DTNB: variants seen among roughly 807,000 people sequenced by gnomAD.
DTNB encodes the protein dystrobrevin beta.
A neutral mutation model predicts 90.7 loss-of-function variants in DTNB; 63 were observed. The ratio of observed to expected loss-of-function variants is 0.69; its 90% CI spans 0.57 to 0.86. The LOEUF is 0.86. Among genes scored for constraint, DTNB ranks in the 40% least tolerant of loss-of-function variants. The probability of loss-of-function intolerance (pLI) is 0.00; values close to 1 mark genes in which losing one functional copy is unlikely to be tolerated. For missense variants in DTNB, 744 were observed against 807.1 expected, an observed-to-expected ratio of 0.92 and a Z score of 0.95; for synonymous variants, 277 against 286.7, an observed-to-expected ratio of 0.97 and a Z score of 0.34.
intron 8 of DTNB, among the ~76,000 whole-genome samples, chr2:25,562,355 CT>C (rs1400286438): frequency 6.6e-6 from 1 of 152,174 alleles, no homozygotes; most frequent in Non-Finnish European, 1.5e-5. Flanking sequence ...GTTATTTCCA[CT>C]TTTTAGCTCT....
intron 9 of DTNB, among the ~76,000 whole-genome samples, chr2:25,484,196 T>C (rs528801094): frequency 7.9e-5 from 12 of 152,350 alleles, no homozygotes; most frequent in African/African-American, 2.9e-4. Flanking sequence ...CAAAATTGTC[T>C]AACAAAGCAT....
intron 18 of DTNB, 114 bp from the exon 19 acceptor site, chr2:25,384,003 G>A: frequency 6.3e-7 from 1 of 1,580,074 alleles, no homozygotes; most frequent in South Asian, 1.2e-5. Context: ...AACAGCTCCT[G>A]GCTGCAGGCC....
intron 1 of DTNB, among the ~76,000 whole-genome samples, chr2:25,670,715 A>G (rs1300449065): frequency 6.6e-6 from 1 of 152,216 alleles, no homozygotes; most frequent in Non-Finnish European, 1.5e-5. Flanking sequence ...AATAAAAGGG[A>G]GTAGGGAAGA....
chr2:25,672,222 A>AAAAAAAAAGAGGC (rs1559465756), intron 1 of DTNB, among the ~76,000 whole-genome samples: 1 of 149,490 alleles, frequency 6.7e-6, no homozygotes, highest in East Asian at 1.9e-4. Context: ...AAAAAAAAAA[A>AAAAAAAAAGAGGC]AAAAAAAAAA....
chr2:25,394,799 C>T lies in DTNB; in HGVS notation c.1576-6438G>A, dbSNP rs535958429. Among the ~76,000 whole-genome samples, 23 of 152,170 alleles carry T rather than the reference C, an allele frequency of 1.5e-4. No homozygotes were observed. The South Asian group carries it at 4.8e-3, about 32-fold the overall frequency. On this transcript the variant is annotated intron_variant, in intron 16 of 20. Coordinates refer to ENST00000406818, the MANE Select transcript of DTNB (RefSeq NM_021907.5). ...CTGTTGGTGGGAATGTAAACTAGTA[C>T]AACTACTATGAAAAACAGTGTGGTG...
intron 8 of DTNB, among the ~76,000 whole-genome samples, chr2:25,544,555 G>A (rs1331056754): frequency 2.0e-5 from 3 of 152,108 alleles, no homozygotes; most frequent in Non-Finnish European, 4.4e-5. Context: ...ACCATCTGAG[G>A]GGATCTAAGC....
intron 4 of DTNB, among the ~76,000 whole-genome samples, chr2:25,615,758 C>T (rs1400435495): frequency 6.6e-6 from 1 of 152,152 alleles, no homozygotes; most frequent in African/African-American, 2.4e-5. Flanking sequence ...TATTATTTCG[C>T]AAATCCCAAT....
chr2:25,417,545 T>C (rs2048279658), intron 16 of DTNB, among the ~76,000 whole-genome samples: 1 of 152,182 alleles, frequency 6.6e-6, no homozygotes. Flanking sequence ...AGTTTTCAGG[T>C]GAGGTGTCGG....
intron 5 of DTNB, among the ~76,000 whole-genome samples, chr2:25,604,897 T>C (rs554770042): frequency 1.3e-5 from 2 of 150,888 alleles, no homozygotes; most frequent in South Asian, 4.2e-4. Context: ...TAAAATTGCT[T>C]TTATAGATAC....
rs568479744 is a variant in DTNB at position 25,448,403 on chromosome 2, A to G, written c.1257+3145T>C. Among the ~76,000 whole-genome samples, 67 of 152,350 alleles carry G rather than the reference A, an allele frequency of 4.4e-4. No homozygotes were observed. The South Asian group carries it at 0.012, about 27-fold the overall frequency. On this transcript the variant is annotated intron_variant, in intron 12 of 20. Transcript: ENST00000406818. ...CTCCTCAAAGAAAGTAAAGAATTGA[A>G]AAAGGAGAAGGAAAAGAGAAAACAT... is the stretch of plus-strand genomic sequence containing the variant.
At chr2:25,574,105 A>AT (rs997985670) in intron 8 of DTNB, among the ~76,000 whole-genome samples, 10 of 152,210 alleles carry the variant, frequency 6.6e-5, no homozygotes, top group African/African-American at 2.4e-4. Flanking sequence ...ACATGGTTCC[A>AT]TTTAGCTACA....
intron 9 of DTNB, among the ~76,000 whole-genome samples, chr2:25,487,826 T>C (rs1466195951): frequency 1.3e-5 from 2 of 152,204 alleles, no homozygotes; most frequent in Non-Finnish European, 2.9e-5. Context: ...GAAACGCATG[T>C]GGAAAGGTAG....
intron 2 of DTNB, among the ~76,000 whole-genome samples, chr2:25,648,667 A>G (rs181175042): frequency 1.3e-5 from 2 of 152,292 alleles, no homozygotes; most frequent in East Asian, 3.9e-4. Context: ...AGACCTCATC[A>G]TACAGCCTGC....
At chr2:25,433,045 C>T in intron 13 of DTNB, 46 bp from the exon 14 acceptor site, 5 of 1,507,700 alleles carry the variant, frequency 3.3e-6, no homozygotes, top group Non-Finnish European at 4.4e-6. Context: ...GTGCTTCTCA[C>T]TCACGCTCCC....
intron 9 of DTNB, among the ~76,000 whole-genome samples, chr2:25,502,274 G>A (rs1428845665): frequency 6.6e-6 from 1 of 152,132 alleles, no homozygotes; most frequent in Non-Finnish European, 1.5e-5. Context: ...CGACAAAAAG[G>A]AAGGAGAATC....
At chr2:25,519,091 C>T (rs546231788) in intron 9 of DTNB, among the ~76,000 whole-genome samples, 1 of 152,272 alleles carries the variant, frequency 6.6e-6, no homozygotes, top group East Asian at 1.9e-4. Flanking sequence ...AGGCCAGGCA[C>T]AGTGGCTCAT....
chr2:25,517,105 A>G lies in DTNB; in HGVS notation c.1001+14368T>C, dbSNP rs148894978. ...AAAATGTGATCTATTCATGCAAAGG[A>G]TATTTTCAACATTAAAAAGAATGAC... On this transcript the variant is annotated intron_variant, in intron 9 of 20. Coordinates refer to ENST00000406818, the MANE Select transcript of DTNB (RefSeq NM_021907.5). Among the ~76,000 whole-genome samples, 101 of 152,372 alleles carry G rather than the reference A, an allele frequency of 6.6e-4. 1 individual carries two copies. The highest frequency in any genetic ancestry group is 2.4e-3 in the African/African-American group (98 of 41,586).
Position 25,392,460 on chromosome 2 carries a change from T to C in DTNB, c.1576-4099A>G, listed in dbSNP as rs143377516. On this transcript the variant is annotated intron_variant, in intron 16 of 20. Coordinates refer to ENST00000406818, the MANE Select transcript of DTNB (RefSeq NM_021907.5). The stretch of plus-strand genomic sequence containing the variant: ...TGAGTGAGTGAATGAAACCAAAAGC[T>C]GGTTCTTTCAAAAGATAAATAAAAT... 8.6e-3 allele frequency among the ~76,000 whole-genome samples: 1,314 copies of C among 152,248 alleles called. 10 individuals are homozygous for C. Among genetic ancestry groups the C allele is most frequent in the Non-Finnish European group, 0.014 (920 of 68,006 alleles).
chr2:25,610,049 A>G (rs903506463), intron 4 of DTNB, among the ~76,000 whole-genome samples: 2 of 152,234 alleles, frequency 1.3e-5, no homozygotes, highest in African/African-American at 2.4e-5. Flanking sequence ...TACTGTTTCC[A>G]AAGACTGTCC....
Sources: gnomAD v4.1 joint callset for allele counts (sites outside exome capture counted in the v4.1 genomes callset) on GRCh38, gnomAD v4.1.1 for gene constraint, MANE v1.5 for transcripts, NCBI Gene and HGNC (gene_info 2026-07-23, HGNC 2026-07-21) for gene names.